The following LARP1 variants were observed in gnomAD, a reference collection of about 807,000 sequenced individuals.
LARP1 encodes la-related protein 1.
In LARP1, 36 loss-of-function variants were observed where a neutral mutation model predicts 122.7. The ratio of observed to expected loss-of-function variants is 0.29; its 90% CI spans 0.22 to 0.39. The LOEUF (loss-of-function observed/expected upper bound fraction) is 0.39, where lower values mean the gene tolerates loss of function less well. LARP1 is among the 10% of genes least tolerant of loss of function. The pLI is 1.00. For missense variants in LARP1, 1,040 were observed against 1,403.6 expected, an observed-to-expected ratio of 0.74 and a Z score of 4.14; for synonymous variants, 539 against 528.7, an observed-to-expected ratio of 1.02 and a Z score of -0.27.
chr5:154,683,905 TTGA>T (rs1205734023), intron 1 of LARP1, among the ~76,000 whole-genome samples: 3 of 151,940 alleles, frequency 2.0e-5, no homozygotes, highest in Non-Finnish European at 4.4e-5. Context: ...GTCTTTGGAG[TTGA>T]TGGTAGCTTC....
At chr5:154,760,830 G>C (rs1459984931) in intron 1 of LARP1, among the ~76,000 whole-genome samples, 2 of 152,220 alleles carry the variant, frequency 1.3e-5, no homozygotes, top group African/African-American at 4.8e-5. Context: ...TGAGACATCA[G>C]TCGTGCATTG....
chr5:154,735,826 C>A (rs1756865732), intron 1 of LARP1, among the ~76,000 whole-genome samples: 1 of 152,028 alleles, frequency 6.6e-6, no homozygotes, highest in Non-Finnish European at 1.5e-5. Context: ...CCGCCTTGGC[C>A]TCCTAAAGTG....
intron 1 of LARP1, among the ~76,000 whole-genome samples, chr5:154,719,882 A>G (rs977065218): frequency 1.4e-5 from 2 of 147,256 alleles, no homozygotes; most frequent in African/African-American, 5.1e-5. Flanking sequence ...AAAAAAAGAT[A>G]TAACTATGGT....
upstream of LARP1, among the ~76,000 whole-genome samples, chr5:154,750,572 C>G (rs1358301058): frequency 6.7e-6 from 1 of 150,260 alleles, no homozygotes; most frequent in Non-Finnish European, 1.5e-5. Flanking sequence ...ATGCCCAGCC[C>G]AAATAGGTAT....
At chr5:154,810,176 C>T (rs927692042) in intron 16 of LARP1, among the ~76,000 whole-genome samples, 1 of 151,894 alleles carries the variant, frequency 6.6e-6, no homozygotes, top group Non-Finnish European at 1.5e-5. Context: ...TGGCTCACAC[C>T]TGTAATCCCA....
chr5:154,714,506 C>T (rs1755385408), intron 1 of LARP1, among the ~76,000 whole-genome samples: 1 of 152,170 alleles, frequency 6.6e-6, no homozygotes, highest in South Asian at 2.1e-4. Context: ...TTGGAAGCAG[C>T]AGGATAATAC....
rs765472872 is a variant in LARP1 at position 154,799,913 on chromosome 5, A to C, written c.1587A>C (p.Pro529=). 1.9e-6 allele frequency: 3 copies of C among 1,614,202 alleles called. No individual in the cohort carries two copies. The South Asian group carries it at 3.3e-5, about 18-fold the overall frequency. ...CTCCTCGTGCAGTCACCCCAGTGCCAACCAAAACAGAGGAGGTCAGCAACC... is the reference window on the plus strand; with the variant it reads ...CTCCTCGTGCAGTCACCCCAGTGCCCACCAAAACAGAGGAGGTCAGCAACC... ...PGSPRAVTPV[P]TKTEEVSNLK... The change falls in exon 10 of 19, where the codon CCA becomes CCC. Residue 529 remains proline, a synonymous_variant. Coordinates refer to ENST00000518297, the MANE Select transcript of LARP1 (RefSeq NM_033551.3).
intron 4 of LARP1, 72 bp from the exon 5 acceptor site, chr5:154,793,523 A>T (rs968333095): frequency 6.3e-7 from 1 of 1,593,824 alleles, no homozygotes; most frequent in Non-Finnish European, 8.6e-7. Flanking sequence ...GCAGAAGAAG[A>T]GGAGTTGGGT....
At chr5:154,753,037 C>G (rs903643750), upstream of LARP1, among the ~76,000 whole-genome samples, 1 of 152,144 alleles carries the variant, frequency 6.6e-6, no homozygotes, top group Non-Finnish European at 1.5e-5. Flanking sequence ...CTCAGTACCC[C>G]TCCACCCTCT....
intron 8 of LARP1, among the ~76,000 whole-genome samples, chr5:154,797,731 C>G (rs868403010): frequency 4.0e-5 from 6 of 150,100 alleles, no homozygotes; most frequent in African/African-American, 1.2e-4. Context: ...CTTGCTCTCA[C>G]AGGCTAGATT....
At chr5:154,748,038 C>T (rs1369551358) in intron 1 of LARP1, among the ~76,000 whole-genome samples, 3 of 152,170 alleles carry the variant, frequency 2.0e-5, no homozygotes, top group Admixed American at 1.3e-4. Context: ...TTCTTACAGA[C>T]GGGGTCTTAG....
chr5:154,754,716 G>C (rs566380185), upstream of LARP1, among the ~76,000 whole-genome samples: 1 of 152,330 alleles, frequency 6.6e-6, no homozygotes, highest in South Asian at 2.1e-4. Context: ...TAGTGTCGAG[G>C]CCAGGCCCAG....
intron 1 of LARP1, among the ~76,000 whole-genome samples, chr5:154,726,427 CA>C (rs1756221263): frequency 6.6e-6 from 1 of 151,892 alleles, no homozygotes; most frequent in Non-Finnish European, 1.5e-5. Flanking sequence ...GGCTGAAAAC[CA>C]AGAGAAAAAA....
chr5:154,765,716 A>T (rs1754889395), intron 1 of LARP1, among the ~76,000 whole-genome samples: 1 of 152,106 alleles, frequency 6.6e-6, no homozygotes, highest in African/African-American at 2.4e-5. Context: ...AGCTCTTATC[A>T]CCACTGGGTC....
chr5:154,756,441 G>GATAC, intron 1 of LARP1: 3 of 992,204 alleles, frequency 3.0e-6, no homozygotes, highest in Admixed American at 6.1e-5. Flanking sequence ...AGCGGTTAGT[G>GATAC]GGCAACGGTG....
At chr5:154,747,458 G>A (rs1265621806) in intron 1 of LARP1, among the ~76,000 whole-genome samples, 1 of 152,026 alleles carries the variant, frequency 6.6e-6, no homozygotes, top group Non-Finnish European at 1.5e-5. Flanking sequence ...AGTAATCCCA[G>A]CACTTTGGGA....
chr5:154,764,291 C>CT (rs1561578466), intron 1 of LARP1, among the ~76,000 whole-genome samples: 1 of 143,922 alleles, frequency 6.9e-6, no homozygotes. Flanking sequence ...GCCTGGGTGA[C>CT]AGAGCAAGAC....
chr5:154,688,112 G>A (rs1344254257), intron 1 of LARP1, among the ~76,000 whole-genome samples: 1 of 152,112 alleles, frequency 6.6e-6, no homozygotes, highest in African/African-American at 2.4e-5. Flanking sequence ...GATGCTTCGG[G>A]TCTGGGCCCC....
upstream of LARP1, among the ~76,000 whole-genome samples, chr5:154,711,637 AAG>A (rs1755230615): frequency 6.6e-6 from 1 of 152,150 alleles, no homozygotes; most frequent in Admixed American, 6.6e-5. Context: ...AGGAATTTAC[AAG>A]AGGGAATCTT....
Sources: allele counts gnomAD v4.1 joint callset (sites outside exome capture counted in the v4.1 genomes callset), GRCh38; gene constraint gnomAD v4.1.1; transcripts MANE v1.5; gene names NCBI Gene and HGNC (gene_info 2026-07-23, HGNC 2026-07-21).